Variants in KIAA0825 observed in about 807,000 individuals in gnomAD.
The protein encoded by KIAA0825 is uncharacterized protein KIAA0825.
Under a neutral mutation model 147.6 loss-of-function variants are expected in KIAA0825, and 119 were observed. The ratio of observed to expected loss-of-function variants is 0.81; its 90% CI spans 0.69 to 0.94. The LOEUF (loss-of-function observed/expected upper bound fraction) is 0.94, where lower values mean the gene tolerates loss of function less well. Ranked by LOEUF, KIAA0825 falls within the 40% of genes least tolerant of loss-of-function variation. The pLI, the probability that KIAA0825 is intolerant of heterozygous loss-of-function variation, is 0.00. For missense variants in KIAA0825, 1,381 were observed against 1,472.7 expected (o/e 0.94, Z 1.02); for synonymous variants, 470 against 518.1 (o/e 0.91, Z 1.26).
At chr5:94,389,490 T>C (rs1584346850) in intron 18 of KIAA0825, among the ~76,000 whole-genome samples, 1 of 152,322 alleles carries the variant, frequency 6.6e-6, no homozygotes, top group South Asian at 2.1e-4. Flanking sequence ...TGCTTGGACA[T>C]CTTATCTTTA....
At chr5:94,550,566 T>G (rs1775316734) in intron 2 of KIAA0825, among the ~76,000 whole-genome samples, 1 of 152,076 alleles carries the variant, frequency 6.6e-6, no homozygotes, top group Admixed American at 6.5e-5. Context: ...AACACAATAA[T>G]TCACGGTAGC....
chr5:94,471,473 T>A lies in KIAA0825; in HGVS notation c.1714A>T (p.Thr572Ser). Residue 572 changes from threonine to serine, a missense_variant, in exon 9 of 21, where the codon ACT becomes TCT. By Grantham distance (58) the Thr-to-Ser change is moderately conservative. Coordinates refer to ENST00000682413, the MANE Select transcript of KIAA0825 (RefSeq NM_001145678.3). ...AATTTAAACAACACTCACTTTTTAG[T>A]CATTTCCTTCATCAAATTATCATAT... ...KRYDNLMKEM[T>S]KKPIFLVLVQ... 6.4e-7 allele frequency: 1 copy of A among 1,551,892 alleles called. No individual in the cohort carries two copies. Among genetic ancestry groups the A allele is most frequent in the Non-Finnish European group, 8.7e-7 (1 of 1,146,946 alleles).
intron 20 of KIAA0825, among the ~76,000 whole-genome samples, chr5:94,345,528 T>C (rs942417864): frequency 6.6e-5 from 10 of 152,136 alleles, no homozygotes; most frequent in Non-Finnish European, 1.5e-4. Context: ...GAAAATTCTT[T>C]CTTTGAAACT....
chr5:94,495,082 T>C (rs1174370968), intron 5 of KIAA0825, among the ~76,000 whole-genome samples: 1 of 152,180 alleles, frequency 6.6e-6, no homozygotes, highest in East Asian at 1.9e-4. Context: ...CTCTTCACAC[T>C]TTTTTATCAG....
chr5:94,376,804 C>T (rs1389022482), intron 20 of KIAA0825, among the ~76,000 whole-genome samples: 1 of 152,128 alleles, frequency 6.6e-6, no homozygotes, highest in Non-Finnish European at 1.5e-5. Context: ...ATTTGAATGG[C>T]ATGGCATATG....
chr5:94,381,710 G>A (rs1306907933), intron 20 of KIAA0825, among the ~76,000 whole-genome samples: 2 of 152,120 alleles, frequency 1.3e-5, no homozygotes, highest in Admixed American at 6.5e-5. Context: ...CAATCTCCAT[G>A]AAGTAGCTTT....
intron 5 of KIAA0825, among the ~76,000 whole-genome samples, chr5:94,487,783 A>C (rs1403892599): frequency 6.6e-6 from 1 of 152,054 alleles, no homozygotes; most frequent in Non-Finnish European, 1.5e-5. Context: ...AAAATACCAA[A>C]ACAAACAAAC....
chr5:94,276,848 A>G (rs1323521511), intron 20 of KIAA0825, among the ~76,000 whole-genome samples: 1 of 152,102 alleles, frequency 6.6e-6, no homozygotes, highest in Non-Finnish European at 1.5e-5. Flanking sequence ...TTCTCTGCAG[A>G]GGAGTTAGAA....
At chr5:94,237,822 A>G (rs1038681872) in intron 20 of KIAA0825, among the ~76,000 whole-genome samples, 3 of 152,204 alleles carry the variant, frequency 2.0e-5, no homozygotes, top group African/African-American at 4.8e-5. Context: ...GAGACCTGCA[A>G]AAGTGAATGT....
In KIAA0825 at chr5:94,436,810, G is replaced by A. The variant is rs1187814815; in HGVS notation, c.2497+3172C>T. ...ATCTGATTTCACTGAGCAGTGGTTT[G>A]TAGTTCTTGTTGTAAAGGTCCTTCA... On this transcript the variant is annotated intron_variant, in intron 14 of 20. Transcript: ENST00000682413. Among the ~76,000 whole-genome samples, 3 of 152,072 alleles carry A rather than the reference G, an allele frequency of 2.0e-5. No homozygotes were observed. The East Asian group carries it at 5.8e-4, about 29-fold the overall frequency.
intron 20 of KIAA0825, among the ~76,000 whole-genome samples, chr5:94,253,841 TAAAG>T (rs768053319): frequency 6.6e-6 from 1 of 152,138 alleles, no homozygotes; most frequent in Non-Finnish European, 1.5e-5. Context: ...TCCCAAGAGG[TAAAG>T]TTATGAGCTC....
intron 20 of KIAA0825, among the ~76,000 whole-genome samples, chr5:94,195,512 T>A (rs1199973711): frequency 6.6e-6 from 1 of 152,102 alleles, no homozygotes; most frequent in African/African-American, 2.4e-5. Flanking sequence ...CCTGTTGGGA[T>A]AAAAGGAAAA....
chr5:94,306,145 C>T (rs1351035582), intron 20 of KIAA0825, among the ~76,000 whole-genome samples: 2 of 151,466 alleles, frequency 1.3e-5, no homozygotes, highest in African/African-American at 4.8e-5. Context: ...GCTATGGCCA[C>T]CTGACTGGTT....
At chr5:94,237,648 T>C (rs1775125968) in intron 20 of KIAA0825, among the ~76,000 whole-genome samples, 1 of 152,192 alleles carries the variant, frequency 6.6e-6, no homozygotes, top group Non-Finnish European at 1.5e-5. Flanking sequence ...CACAGGCTCT[T>C]TGATGGACTC....
chr5:94,441,402 T>C (rs867076469), intron 13 of KIAA0825, among the ~76,000 whole-genome samples: 3 of 152,154 alleles, frequency 2.0e-5, no homozygotes, highest in South Asian at 4.1e-4. Context: ...TTAGGACCAA[T>C]TAGCATCCTC....
intron 20 of KIAA0825, among the ~76,000 whole-genome samples, chr5:94,224,500 T>C (rs1015754951): frequency 1.3e-5 from 2 of 152,136 alleles, no homozygotes; most frequent in African/African-American, 4.8e-5. Flanking sequence ...TTTCTTTAAA[T>C]AGCACTAAAA....
chr5:94,446,343 AATAAAG>A (rs1451536319), intron 13 of KIAA0825, among the ~76,000 whole-genome samples: 1 of 152,330 alleles, frequency 6.6e-6, no homozygotes, highest in Admixed American at 6.5e-5. Flanking sequence ...TGATCATACA[AATAAAG>A]ATAAAGTAAC....
At position 94,235,416 on chromosome 5, in the gene KIAA0825, A is replaced by C. The variant is rs540563711; in HGVS notation, c.3711-81292T>G. Reference sequence around the variant, plus strand: ...CCTGTCTTCGATTCAGTGAAGGCTGAGAGAGGTGAGGAAGTGTCAAAAGAA... The same window carrying C: ...CCTGTCTTCGATTCAGTGAAGGCTGCGAGAGGTGAGGAAGTGTCAAAAGAA... On this transcript the variant is annotated intron_variant, in intron 20 of 20. Transcript: ENST00000682413. Among the ~76,000 whole-genome samples, 3 of 152,346 alleles carry C rather than the reference A, an allele frequency of 2.0e-5. No individual in the cohort carries two copies. The East Asian group carries it at 5.8e-4, about 29-fold the overall frequency.
chr5:94,567,700 C>T (rs1266046947), intron 2 of KIAA0825: 1 of 152,244 alleles, frequency 6.6e-6, no homozygotes, highest in Non-Finnish European at 1.5e-5. Flanking sequence ...CATGATTCCT[C>T]CTACACTCCA....
Sources: allele counts gnomAD v4.1 joint callset (sites outside exome capture counted in the v4.1 genomes callset), GRCh38; gene constraint gnomAD v4.1.1; transcripts MANE v1.5; gene names NCBI Gene and HGNC (gene_info 2026-07-23, HGNC 2026-07-21).